FOXN3: variants seen among roughly 807,000 people sequenced by gnomAD.
FOXN3 encodes forkhead box N3, also known as forkhead box protein N3.
Under a neutral mutation model 38.4 loss-of-function variants are expected in FOXN3, and 7 were observed. The observed-to-expected ratio is 0.18, with a 90% CI of 0.10 to 0.34. The LOEUF (loss-of-function observed/expected upper bound fraction) is 0.34, where lower values mean the gene tolerates loss of function less well. FOXN3 is among the 10% of genes least tolerant of loss of function. The probability of loss-of-function intolerance (pLI) is 1.00; values close to 1 mark genes in which losing one functional copy is unlikely to be tolerated. For missense variants in FOXN3, 456 were observed against 613.4 expected, an observed-to-expected ratio of 0.74 and a Z score of 2.71; for synonymous variants, 230 against 242.2, an observed-to-expected ratio of 0.95 and a Z score of 0.47.
chr14:89,432,879 C>A (rs1384717811), intron 1 of FOXN3, among the ~76,000 whole-genome samples: 4 of 152,136 alleles, frequency 2.6e-5, no homozygotes, highest in Non-Finnish European at 5.9e-5. Context: ...AGGGGTCTCA[C>A]TATATTGCCC....
intron 1 of FOXN3, among the ~76,000 whole-genome samples, chr14:89,511,828 C>T (rs1175995317): frequency 4.6e-5 from 7 of 152,164 alleles, no homozygotes; most frequent in Non-Finnish European, 1.0e-4. Context: ...GAAGCAAACA[C>T]GTCCTTCTTC....
chr14:89,352,242 T>C (rs955385117), intron 2 of FOXN3, among the ~76,000 whole-genome samples: 119 of 152,330 alleles, frequency 7.8e-4, no homozygotes, highest in African/African-American at 2.8e-3. Context: ...AGATTTCAAC[T>C]TTGGAAAATT....
At chr14:89,288,115 T>C (rs1448383198) in intron 3 of FOXN3, among the ~76,000 whole-genome samples, 2 of 151,844 alleles carry the variant, frequency 1.3e-5, no homozygotes, top group Non-Finnish European at 2.9e-5. Flanking sequence ...AGATCCAAAA[T>C]GGGCACGCGA....
intron 2 of FOXN3, among the ~76,000 whole-genome samples, chr14:89,359,429 T>C (rs960305605): frequency 6.6e-6 from 1 of 152,230 alleles, no homozygotes; most frequent in Non-Finnish European, 1.5e-5. Flanking sequence ...CTTGTCAAAT[T>C]GTGAAATCAT....
intron 1 of FOXN3, among the ~76,000 whole-genome samples, chr14:89,433,893 T>A (rs1375536827): frequency 6.6e-6 from 1 of 150,604 alleles, no homozygotes; most frequent in Non-Finnish European, 1.5e-5. Flanking sequence ...AGGGCAATGG[T>A]CACACACCAG....
intron 4 of FOXN3, among the ~76,000 whole-genome samples, chr14:89,273,164 C>T (rs111895536): frequency 1.3e-5 from 2 of 152,196 alleles, no homozygotes; most frequent in Admixed American, 6.5e-5. Context: ...ATTCTATAAC[C>T]TCCTGCAAAG....
At chr14:89,317,218 A>G (rs3825671) in intron 3 of FOXN3, among the ~76,000 whole-genome samples, 66,084 of 152,144 alleles carry the variant, frequency 0.43, 15,070 homozygotes, top group Non-Finnish European at 0.51. Flanking sequence ...GGAAGCTCAT[A>G]GGATGAAATC....
intron 1 of FOXN3, among the ~76,000 whole-genome samples, chr14:89,495,912 G>A (rs892090485): frequency 6.6e-6 from 1 of 152,098 alleles, no homozygotes; most frequent in African/African-American, 2.4e-5. Flanking sequence ...TTCTCTATAG[G>A]GGCCGTGCTG....
chr14:89,295,363 C>T (rs1317717921), intron 3 of FOXN3, among the ~76,000 whole-genome samples: 1 of 152,210 alleles, frequency 6.6e-6, no homozygotes, highest in Non-Finnish European at 1.5e-5. Context: ...CAGTGTCTTC[C>T]CATTCTAACG....
intron 4 of FOXN3, among the ~76,000 whole-genome samples, chr14:89,262,157 G>C (rs145873870): frequency 1.8e-3 from 280 of 152,238 alleles, no homozygotes; most frequent in African/African-American, 6.5e-3. Context: ...ATTCCAATTT[G>C]ATGGCTGGAA....
chr14:89,289,077 G>A (rs1886773196), intron 3 of FOXN3, among the ~76,000 whole-genome samples: 1 of 150,652 alleles, frequency 6.6e-6, no homozygotes, highest in Non-Finnish European at 1.5e-5. Context: ...AGCTACTCAG[G>A]AGGCTTAGGC....
At chr14:89,346,586 C>T (rs566097987) in intron 3 of FOXN3, among the ~76,000 whole-genome samples, 8 of 152,274 alleles carry the variant, frequency 5.3e-5, no homozygotes, top group South Asian at 2.1e-4. Context: ...TGATGTCCTA[C>T]GAGAGGTACC....
chr14:89,600,552 A>C (rs1205431386), intron 1 of FOXN3, among the ~76,000 whole-genome samples: 4 of 152,230 alleles, frequency 2.6e-5, no homozygotes, highest in African/African-American at 9.6e-5. Context: ...GCCTAAACAA[A>C]AATAAATTAA....
intron 4 of FOXN3, among the ~76,000 whole-genome samples, chr14:89,233,568 CT>C (rs1596120451): frequency 6.6e-6 from 1 of 152,132 alleles, no homozygotes; most frequent in African/African-American, 2.4e-5. Context: ...CAACAGTTCC[CT>C]TTTTTTCTTT....
At chr14:89,192,354 A>T in intron 4 of FOXN3, among the ~76,000 whole-genome samples, 1 of 145,864 alleles carries the variant, frequency 6.9e-6, no homozygotes, top group African/African-American at 2.5e-5. Flanking sequence ...GTAATAGTAT[A>T]CAGTTTATAT....
chr14:89,584,785 T>C (rs1336693887), intron 1 of FOXN3, among the ~76,000 whole-genome samples: 1 of 152,116 alleles, frequency 6.6e-6, no homozygotes, highest in Admixed American at 6.6e-5. Flanking sequence ...CAATTTTGGC[T>C]CACTGCAAAC....
intron 1 of FOXN3, among the ~76,000 whole-genome samples, chr14:89,567,208 C>G (rs1596319803): frequency 6.6e-6 from 1 of 152,210 alleles, no homozygotes; most frequent in East Asian, 1.9e-4. Flanking sequence ...CTCTCTTCCC[C>G]TTTAACCAGT....
intron 1 of FOXN3, among the ~76,000 whole-genome samples, chr14:89,611,003 G>A (rs1896376936): frequency 6.6e-6 from 1 of 152,170 alleles, no homozygotes; most frequent in Non-Finnish European, 1.5e-5. Flanking sequence ...ACACACATTT[G>A]ACTGAAAATG....
Position 89,162,565 on chromosome 14 carries a change from C to T in FOXN3, c.1256G>A (p.Arg419His), listed in dbSNP as rs367951877. Residue 419 changes from arginine (R) to histidine (H), a missense_variant, in exon 6 of 6, where the codon CGC (arginine) becomes CAC (histidine). Coordinates refer to ENST00000557258, the MANE Select transcript of FOXN3 (RefSeq NM_005197.4). The surrounding 1 kb of genome is among the most constrained non-coding windows in gnomAD (Gnocchi z 7.2). ...PSDTLPLKKR[R>H]TEKPPESDDE... ...ATCGCTCTCGGGGGGCTTTTCGGTG[C>T]GTCTCTTTTTGAGGGGCAGTGTGTC... is the stretch of plus-strand genomic sequence containing the variant. 4 of 1,612,220 alleles carry T rather than the reference C, an allele frequency of 2.5e-6. No homozygotes were observed. Among genetic ancestry groups the T allele is most frequent in the Non-Finnish European group, 3.4e-6 (4 of 1,179,496 alleles).
Sources: allele counts gnomAD v4.1 joint callset (sites outside exome capture counted in the v4.1 genomes callset), GRCh38; gene constraint gnomAD v4.1.1; non-coding constraint Gnocchi (gnomAD v3.1); transcripts MANE v1.5; gene names NCBI Gene and HGNC (gene_info 2026-07-23, HGNC 2026-07-21).